ZMAT4: variants seen among roughly 807,000 people sequenced by gnomAD.
ZMAT4 encodes zinc finger matrin-type 4.
A neutral mutation model predicts 28.7 loss-of-function variants in ZMAT4; 17 were observed. The ratio of observed to expected loss-of-function variants is 0.59; its 90% CI spans 0.41 to 0.89. The LOEUF is 0.89. Ranked by LOEUF, ZMAT4 falls within the 40% of genes least tolerant of loss-of-function variation. The pLI is 0.00. For missense variants in ZMAT4, 240 were observed against 283.8 expected (o/e 0.85, Z 1.11); for synonymous variants, 117 against 109.2 (o/e 1.07, Z -0.44).
chr8:40,832,568 C>T (rs954480967), intron 1 of ZMAT4, among the ~76,000 whole-genome samples: 3 of 152,272 alleles, frequency 2.0e-5, no homozygotes, highest in South Asian at 4.1e-4. Context: ...ACAGCCTGGC[C>T]CCGAGCCCAG....
At chr8:40,638,733 A>G (rs534235058) in intron 5 of ZMAT4, among the ~76,000 whole-genome samples, 9 of 152,356 alleles carry the variant, frequency 5.9e-5, no homozygotes, top group Admixed American at 2.6e-4. Context: ...TTCTGATCCT[A>G]TGGAGAAAAT....
intron 2 of ZMAT4, among the ~76,000 whole-genome samples, chr8:40,795,010 T>TAGGA (rs1222733745): frequency 6.6e-6 from 1 of 152,096 alleles, no homozygotes; most frequent in Admixed American, 6.5e-5. Flanking sequence ...TGTCTTAGCT[T>TAGGA]AGGAACCTAA....
chr8:40,640,411 T>C (rs1349313116), intron 5 of ZMAT4, among the ~76,000 whole-genome samples: 2 of 152,206 alleles, frequency 1.3e-5, no homozygotes, highest in Admixed American at 6.5e-5. Context: ...TCCATCTTGA[T>C]TGCACAGAGG....
At chr8:40,745,707 C>T (rs959132430) in intron 3 of ZMAT4, among the ~76,000 whole-genome samples, 1 of 152,044 alleles carries the variant, frequency 6.6e-6, no homozygotes, top group African/African-American at 2.4e-5. Flanking sequence ...AGGCAATATT[C>T]CCCCATTTCC....
chr8:40,650,620 CA>C (rs199592021), intron 5 of ZMAT4, among the ~76,000 whole-genome samples: 16,156 of 110,150 alleles, frequency 0.15, 1,401 homozygotes, highest in African/African-American at 0.24. Flanking sequence ...AGAGACACAA[CA>C]AAAAAAGAGA....
intron 3 of ZMAT4, among the ~76,000 whole-genome samples, chr8:40,736,049 C>T (rs142577013): frequency 1.7e-3 from 257 of 152,264 alleles, no homozygotes; most frequent in African/African-American, 5.9e-3. Flanking sequence ...TGCAGTAATG[C>T]CACAGTGCAG....
chr8:40,538,897 T>C (rs1802934194), intron 6 of ZMAT4, among the ~76,000 whole-genome samples: 1 of 152,168 alleles, frequency 6.6e-6, no homozygotes, highest in Non-Finnish European at 1.5e-5. Context: ...GCGATTCTCC[T>C]GCCTCAGCTT....
At chr8:40,648,239 G>T (rs1444828672) in intron 5 of ZMAT4, among the ~76,000 whole-genome samples, 1 of 152,108 alleles carries the variant, frequency 6.6e-6, no homozygotes, top group Non-Finnish European at 1.5e-5. Flanking sequence ...AGGAGCTGAT[G>T]GAGCTGAAAA....
At chr8:40,813,090 G>A (rs1446971444) in intron 2 of ZMAT4, among the ~76,000 whole-genome samples, 1 of 151,412 alleles carries the variant, frequency 6.6e-6, no homozygotes, top group African/African-American at 2.4e-5. Flanking sequence ...TAACAATAGG[G>A]GAAACAAAGT....
intron 3 of ZMAT4, among the ~76,000 whole-genome samples, chr8:40,734,812 A>C (rs1229984124): frequency 6.6e-6 from 1 of 152,204 alleles, no homozygotes; most frequent in Non-Finnish European, 1.5e-5. Flanking sequence ...CTAAAGAAAA[A>C]ATTATATGAT....
At chr8:40,888,034 T>C (rs1818531315) in intron 1 of ZMAT4, among the ~76,000 whole-genome samples, 1 of 152,122 alleles carries the variant, frequency 6.6e-6, no homozygotes, top group Non-Finnish European at 1.5e-5. Flanking sequence ...CCTCCATGAA[T>C]CCTGTGAGTC....
intron 2 of ZMAT4, among the ~76,000 whole-genome samples, chr8:40,778,223 G>A (rs1240100597): frequency 6.6e-6 from 1 of 152,066 alleles, no homozygotes; most frequent in African/African-American, 2.4e-5. Context: ...AATTCCTAGG[G>A]TGCACTTAAA....
intron 2 of ZMAT4, among the ~76,000 whole-genome samples, chr8:40,820,276 A>C (rs1213071445): frequency 4.1e-5 from 6 of 144,758 alleles, no homozygotes; most frequent in East Asian, 2.0e-4. Context: ...GTGTCTGTAG[A>C]TGTGTATTTA....
At chr8:40,577,786 A>G (rs949678463) in intron 6 of ZMAT4, among the ~76,000 whole-genome samples, 1 of 151,816 alleles carries the variant, frequency 6.6e-6, no homozygotes, top group African/African-American at 2.4e-5. Flanking sequence ...GATTTTAATT[A>G]TTATTTAATT....
chr8:40,819,716 TG>T (rs1209752355), intron 2 of ZMAT4, among the ~76,000 whole-genome samples: 1 of 152,012 alleles, frequency 6.6e-6, no homozygotes, highest in Non-Finnish European at 1.5e-5. Flanking sequence ...GACAAGCAAC[TG>T]GGCTGGTGCA....
In ZMAT4 at chr8:40,890,239, C is replaced by T. The variant is rs139099510; in HGVS notation, c.-5+7444G>A. Among the ~76,000 whole-genome samples, 316 of 152,294 alleles carry T rather than the reference C, an allele frequency of 2.1e-3. 1 individual carries two copies. The highest frequency in any genetic ancestry group is 7.2e-3 in the African/African-American group (300 of 41,562). ...CAAACCCCTTGAAAGATCCCATTCC[C>T]CACGTCTCACGAACACCTCCACTGA... On this transcript the variant is annotated intron_variant, in intron 1 of 6. Transcript: ENST00000297737.
chr8:40,879,249 C>T (rs549211799), intron 1 of ZMAT4, among the ~76,000 whole-genome samples: 2 of 152,120 alleles, frequency 1.3e-5, no homozygotes, highest in East Asian at 1.9e-4. Context: ...TGGCCAGACC[C>T]GAGCTCTACA....
At chr8:40,832,574 C>A (rs149537319) in intron 1 of ZMAT4, among the ~76,000 whole-genome samples, 135 of 152,292 alleles carry the variant, frequency 8.9e-4, no homozygotes, top group African/African-American at 3.1e-3. Context: ...TGGCCCCGAG[C>A]CCAGCTGCCC....
chr8:40,662,292 T>G (rs1328078978), intron 5 of ZMAT4, among the ~76,000 whole-genome samples: 1 of 152,174 alleles, frequency 6.6e-6, no homozygotes, highest in Non-Finnish European at 1.5e-5. Flanking sequence ...AGGTAAGTAC[T>G]TTGGATATGA....
Sources: allele counts gnomAD v4.1 joint callset (sites outside exome capture counted in the v4.1 genomes callset), GRCh38; gene constraint gnomAD v4.1.1; transcripts MANE v1.5; gene names NCBI Gene and HGNC (gene_info 2026-07-23, HGNC 2026-07-21).